The following ZBED1 variants were observed in gnomAD, a reference collection of about 807,000 sequenced individuals.
ZBED1 encodes E3 SUMO-protein ligase ZBED1.
ZBED1 carries 19 observed loss-of-function variants against 49.7 expected under a neutral mutation model. The ratio of observed to expected loss-of-function variants is 0.38; its 90% CI spans 0.27 to 0.56. ZBED1 has a LOEUF of 0.56. Among genes scored for constraint, ZBED1 ranks in the 20% least tolerant of loss-of-function variants. ZBED1 has a pLI of 0.70. For synonymous variants in ZBED1, 439 were observed against 440.3 expected (o/e 1.00, Z 0.04); for missense variants, 806 against 972.6 (o/e 0.83, Z 2.28).
intron 1 of ZBED1, among the ~76,000 whole-genome samples, chrX:2,491,173 G>A (rs1164960728): frequency 1.3e-5 from 2 of 150,564 alleles, no homozygotes; most frequent in Admixed American, 6.7e-5. Context: ...GGGTTCAAGC[G>A]ATCTTCCTGC....
rs2045329898 is a variant in ZBED1, at chrX:2,498,323, A to G, written c.-54+2494T>C. On this transcript the variant is annotated intron_variant, in intron 1 of 1. Coordinates refer to ENST00000652001, the MANE Select transcript of ZBED1 (RefSeq NM_001171136.2). ...ACAGCTTAGCTCAAATGCCCTGGAC[A>G]AAGTTCAATGTTTCCTCACCAACAG... is the stretch of plus-strand genomic sequence containing the variant. Among the ~76,000 whole-genome samples the G allele has an allele frequency of 2.0e-5, 3 of 152,226 alleles. No individual in the cohort carries two copies. The South Asian group carries it at 6.2e-4, about 32-fold the overall frequency.
chrX:2,491,255 A>C lies in ZBED1; in HGVS notation c.-53-483T>G, dbSNP rs779939932. Among the ~76,000 whole-genome samples the C allele has an allele frequency of 1.4e-4, 21 of 152,080 alleles. 1 individual carries two copies. Among genetic ancestry groups the C allele is most frequent in the African/African-American group, 5.1e-4 (21 of 41,506 alleles). ...TGGCTAATTTTTGTATTTTTAGTAG[A>C]GACAGGGTTTCACCATGTTGGTCAG... On this transcript the variant is annotated intron_variant, in intron 1 of 1. Transcript: ENST00000652001.
Position 2,488,506 on chromosome X carries a change from C to T in ZBED1, c.*129G>A. On this transcript the variant is annotated 3_prime_UTR_variant, in exon 2 of 2. Coordinates refer to ENST00000652001, the MANE Select transcript of ZBED1 (RefSeq NM_001171136.2). Reference sequence around the variant, plus strand: ...CACTTCTCAAATCTCTTTCCTTTTTCCACCTTCTAGGTGTCAAAGACAGTG... The same window carrying T: ...CACTTCTCAAATCTCTTTCCTTTTTTCACCTTCTAGGTGTCAAAGACAGTG... The T allele has an allele frequency of 8.0e-7, 1 of 1,244,148 alleles. No homozygotes were observed. Among genetic ancestry groups the T allele is most frequent in the South Asian group, 1.6e-5 (1 of 61,650 alleles). 77.1% of individuals were successfully genotyped at this position (1,244,148 alleles called of 1,614,324 possible).
chrX:2,494,974 T>C (rs2045245774), intron 1 of ZBED1, among the ~76,000 whole-genome samples: 1 of 151,812 alleles, frequency 6.6e-6, no homozygotes, highest in Non-Finnish European at 1.5e-5. Context: ...TTATTATCAT[T>C]ATTACTACTG....
In ZBED1 at chrX:2,489,171, C is replaced by CA; in HGVS notation, c.1548dup (p.Glu517Ter). 6.2e-7 allele frequency: 1 copy of CA among 1,613,656 alleles called. No homozygotes were observed. Among genetic ancestry groups the CA allele is most frequent in the Non-Finnish European group, 8.5e-7 (1 of 1,179,860 alleles). On this transcript the variant is annotated frameshift_variant, in exon 2 of 2. Transcript: ENST00000652001. LOFTEE classifies it high-confidence loss of function. ...TCGGGCACCGGGAAGATCTTGTCCTCAGCCGGCCGGTAGCCGCCGTCTTTG... is the reference window on the plus strand; with the variant it reads ...TCGGGCACCGGGAAGATCTTGTCCTCAAGCCGGCCGGTAGCCGCCGTCTTTG...
intron 1 of ZBED1, among the ~76,000 whole-genome samples, chrX:2,492,801 T>C (rs1009990791): frequency 1.4e-4 from 22 of 152,322 alleles, no homozygotes; most frequent in Admixed American, 1.3e-3. Context: ...TGAGACACTT[T>C]GATTACAGAC....
chrX:2,498,054 C>G (rs1380479886), intron 1 of ZBED1, among the ~76,000 whole-genome samples: 1 of 152,164 alleles, frequency 6.6e-6, no homozygotes, highest in Non-Finnish European at 1.5e-5. Context: ...TGACCAACAT[C>G]TATGATTAAT....
Position 2,488,868 on chromosome X carries a change from G to C in ZBED1, c.1852C>G (p.Pro618Ala). ...YWCVTATRVAPERLFGSAANV... is the reference protein window; with the variant it reads ...YWCVTATRVAAERLFGSAANV... ...GCGGCGGATCCGAAGAGACGCTCAG[G>C]GGCGACGCGCGTGGCCGTCACGCAC... The change falls in exon 2 of 2, where the codon CCT becomes GCT. Residue 618 changes from proline to alanine, a missense_variant. Around this residue, in one of 2 missense-constraint regions of ZBED1, gnomAD observed 749 missense variants for 861.3 expected, o/e 0.87. Transcript: ENST00000652001. 1 of 1,613,196 alleles carries C rather than the reference G, an allele frequency of 6.2e-7. No homozygotes were observed. Among genetic ancestry groups the C allele is most frequent in the South Asian group, 1.1e-5 (1 of 91,004 alleles).
chrX:2,489,963 C>T lies in ZBED1; in HGVS notation c.757G>A (p.Glu253Lys). The T allele has an allele frequency of 6.2e-7, 1 of 1,613,940 alleles. No individual in the cohort carries two copies. Among genetic ancestry groups the T allele is most frequent in the African/African-American group, 1.3e-5 (1 of 75,070 alleles). The stretch of plus-strand genomic sequence containing the variant: ...CTGATGCCCCACTCGATGAAGACCT[C>T]ATAGAGCACTCGCGTGATGGTCTCC... ...TAETITRVLY[E>K]VFIEWGISAK... The change falls in exon 2 of 2, where the codon GAG becomes AAG. Residue 253 changes from glutamate (E) to lysine (K), a missense_variant. Transcript: ENST00000652001.
At chrX:2,495,172 C>T (rs2045250316) in intron 1 of ZBED1, among the ~76,000 whole-genome samples, 1 of 150,530 alleles carries the variant, frequency 6.6e-6, no homozygotes, top group South Asian at 2.1e-4. Context: ...AAAGAAGTCA[C>T]AGTACCCTGA....
At chrX:2,491,066 G>GTTTTTTTT (rs900738620) in intron 1 of ZBED1, among the ~76,000 whole-genome samples, 3 of 110,246 alleles carry the variant, frequency 2.7e-5, no homozygotes, top group Admixed American at 1.0e-4. Flanking sequence ...AGTGCCTTTA[G>GTTTTTTTT]TTTTTTTTTT....
intron 1 of ZBED1, among the ~76,000 whole-genome samples, chrX:2,491,213 G>A (rs1324362212): frequency 1.3e-5 from 2 of 152,022 alleles, no homozygotes; most frequent in Non-Finnish European, 2.9e-5. Flanking sequence ...GGGATCACAG[G>A]CACCTGCCAT....
At position 2,489,784 on chromosome X, in the gene ZBED1, C is replaced by T. The variant is rs779511144; in HGVS notation, c.936G>A (p.Leu312=). The change falls in exon 2 of 2, where the codon CTG becomes CTA. Residue 312 remains leucine (L), a synonymous_variant. Coordinates refer to ENST00000652001, the MANE Select transcript of ZBED1 (RefSeq NM_001171136.2). ...ACTCCACCAGTTTGCGGCAGCGCGACAGCAGCGCCCCCAGCTTCGGGAGCT... is the reference window on the plus strand; with the variant it reads ...ACTCCACCAGTTTGCGGCAGCGCGATAGCAGCGCCCCCAGCTTCGGGAGCT... The part of the protein sequence containing the change: ...AFQLPKLGAL[L]SRCRKLVEYF... 1.9e-6 allele frequency: 3 copies of T among 1,613,446 alleles called. No homozygotes were observed. In the South Asian group the frequency reaches 3.3e-5, roughly 18 times the overall value.
rs1480391330 is a variant in ZBED1 at position 2,489,080 on chromosome X, A to G, written c.1640T>C (p.Met547Thr). The G allele has an allele frequency of 1.2e-6, 2 of 1,613,788 alleles. No homozygotes were observed. The highest frequency in any genetic ancestry group is 1.1e-5 in the South Asian group (1 of 91,060). Residue 547 changes from methionine (M) to threonine (T), a missense_variant, in exon 2 of 2, where the codon ATG becomes ACG. Physicochemically the swap from Met to Thr is moderately conservative, Grantham distance 81. This residue lies in a region of ZBED1 where 749 missense variants were observed against 861.3 expected (regional missense o/e 0.87). Transcript: ENST00000652001. ...TPPPASVINN[M>T]LAEIFCQTGG... The stretch of plus-strand genomic sequence containing the variant: ...TGTCTGGCAGAAGATCTCGGCCAGC[A>G]TGTTGTTGATGACGCTGGCGGGCGG...
Position 2,490,202 on chromosome X carries a change from A to T in ZBED1, c.518T>A (p.Ile173Asn), listed in dbSNP as rs1383361981. Reference protein sequence around the residue: ...PSRKYISTKAIPEKYGAVREV... With the variant: ...PSRKYISTKANPEKYGAVREV... ...CCGGACGGCCCCGTACTTCTCAGGG[A>T]TGGCCTTGGTAGAGATGTACTTCCG... Residue 173 changes from isoleucine (I) to asparagine (N), a missense_variant, in exon 2 of 2, where the codon ATC becomes AAC. By Grantham distance (149) the Ile-to-Asn change is moderately radical. Around this residue, in one of 2 missense-constraint regions of ZBED1, gnomAD observed 749 missense variants for 861.3 expected, o/e 0.87. Transcript: ENST00000652001. 1 of 1,613,918 alleles carries T rather than the reference A, an allele frequency of 6.2e-7. No individual in the cohort carries two copies. Among genetic ancestry groups the T allele is most frequent in the Non-Finnish European group, 8.5e-7 (1 of 1,179,862 alleles).
intron 1 of ZBED1, among the ~76,000 whole-genome samples, chrX:2,494,688 T>C (rs2124127025): frequency 6.6e-6 from 1 of 152,116 alleles, no homozygotes; most frequent in African/African-American, 2.4e-5. Context: ...AAAGGTCTGT[T>C]TTCTATTAAT....
chrX:2,499,528 T>G (rs1304719772), intron 1 of ZBED1, among the ~76,000 whole-genome samples: 4 of 152,196 alleles, frequency 2.6e-5, no homozygotes, highest in Admixed American at 2.0e-4. Context: ...CCCAGCAGTT[T>G]GGGAGGCCCA....
At chrX:2,493,454 T>TTTA (rs941474243) in intron 1 of ZBED1, among the ~76,000 whole-genome samples, 2 of 151,448 alleles carry the variant, frequency 1.3e-5, no homozygotes, top group Non-Finnish European at 2.9e-5. Flanking sequence ...TTAAATTCTA[T>TTTA]TTATTATTAT....
chrX:2,487,116 T>C lies in ZBED1; in HGVS notation c.*1519A>G, dbSNP rs1416338467. Reference sequence around the variant, plus strand: ...TCCAGTTAAAAAGCAGTTCTACATGTTGGAAAACGTCTTTCTGTTTCCCTG... The same window carrying C: ...TCCAGTTAAAAAGCAGTTCTACATGCTGGAAAACGTCTTTCTGTTTCCCTG... On this transcript the variant is annotated 3_prime_UTR_variant, in exon 2 of 2. Transcript: ENST00000652001. 1 of 152,370 alleles carries C rather than the reference T, an allele frequency of 6.6e-6. No individual in the cohort carries two copies. Among genetic ancestry groups the C allele is most frequent in the Admixed American group, 6.5e-5 (1 of 15,302 alleles). The allele number at this position is 152,370 out of a possible 1,614,324, so 9.4% of individuals were successfully genotyped here. A position where few individuals can be genotyped will look rare whatever the true frequency, so the allele number is the denominator to read the frequency against.
Sources: gnomAD v4.1 joint callset for allele counts (sites outside exome capture counted in the v4.1 genomes callset) on GRCh38, gnomAD v4.1.1 for gene constraint, gnomAD v4.1.1 regional missense constraint, MANE v1.5 for transcripts, NCBI Gene and HGNC (gene_info 2026-07-23, HGNC 2026-07-21) for gene names.